Variants in FMN1 observed in about 807,000 individuals in gnomAD.
The protein encoded by FMN1 is formin 1, also known as formin-1.
In FMN1, 110 loss-of-function variants were observed where a neutral mutation model predicts 132.4. That is an observed-to-expected ratio of 0.83 (90% CI 0.71 to 0.97). The LOEUF (loss-of-function observed/expected upper bound fraction) is 0.97, where lower values mean the gene tolerates loss of function less well. FMN1 is among the 50% of genes least tolerant of loss of function. The pLI is 0.00. For missense variants in FMN1, 1,792 were observed against 1,705.3 expected (o/e 1.05, Z -0.90); for synonymous variants, 722 against 651.7 (o/e 1.11, Z -1.64).
intron 6 of FMN1, among the ~76,000 whole-genome samples, chr15:33,048,348 G>A (rs1449739493): frequency 6.6e-6 from 1 of 151,964 alleles, no homozygotes; most frequent in Non-Finnish European, 1.5e-5. Flanking sequence ...AAAGAATCTT[G>A]TATGGTAAAA....
chr15:33,014,865 C>A (rs982894057), intron 6 of FMN1, among the ~76,000 whole-genome samples: 5 of 152,206 alleles, frequency 3.3e-5, no homozygotes, highest in African/African-American at 1.2e-4. Context: ...GCAGTAACCA[C>A]TGCTGAAGTC....
chr15:32,810,816 C>A (rs982508309), intron 17 of FMN1: 1 of 345,768 alleles, frequency 2.9e-6, no homozygotes, highest in African/African-American at 2.1e-5. Flanking sequence ...TCCTAGTATT[C>A]TTTACACAGT....
chr15:33,052,453 A>T (rs1265392960), intron 6 of FMN1, among the ~76,000 whole-genome samples: 2 of 152,210 alleles, frequency 1.3e-5, no homozygotes, highest in African/African-American at 4.8e-5. Flanking sequence ...ACAAAAAGGA[A>T]AACAGTTACT....
At chr15:33,103,840 G>A (rs1319452221) in intron 4 of FMN1, among the ~76,000 whole-genome samples, 6 of 152,050 alleles carry the variant, frequency 3.9e-5, no homozygotes, top group Non-Finnish European at 7.4e-5. Flanking sequence ...TTAGGAACCT[G>A]TTTTTAGCAT....
At chr15:32,952,936 G>T (rs767430284) in intron 9 of FMN1, among the ~76,000 whole-genome samples, 1 of 152,142 alleles carries the variant, frequency 6.6e-6, no homozygotes, top group Non-Finnish European at 1.5e-5. Flanking sequence ...TCTCACGTCC[G>T]TGTCAAATTA....
chr15:33,024,712 C>T (rs531397070), intron 6 of FMN1, among the ~76,000 whole-genome samples: 50 of 152,152 alleles, frequency 3.3e-4, no homozygotes, highest in Non-Finnish European at 6.8e-4. Flanking sequence ...AGAAATTCTA[C>T]TCTAATGTTC....
intron 6 of FMN1, among the ~76,000 whole-genome samples, chr15:33,011,943 T>G (rs2034751849): frequency 6.6e-6 from 1 of 151,970 alleles, no homozygotes; most frequent in African/African-American, 2.4e-5. Flanking sequence ...ACAGCAGGAG[T>G]GCAAACTGGT....
At chr15:33,005,054 G>A (rs916830058) in intron 7 of FMN1, among the ~76,000 whole-genome samples, 7 of 152,078 alleles carry the variant, frequency 4.6e-5, no homozygotes, top group Non-Finnish European at 8.8e-5. Flanking sequence ...TGGGGGTAGC[G>A]GGGAGGGATA....
intron 17 of FMN1, among the ~76,000 whole-genome samples, chr15:32,843,802 G>A (rs968903469): frequency 2.6e-5 from 4 of 152,206 alleles, no homozygotes; most frequent in African/African-American, 9.6e-5. Flanking sequence ...GAGTAAGGAT[G>A]AGCTATCAGG....
chr15:33,067,157 A>G lies in FMN1; in HGVS notation c.2044-2083T>C, dbSNP rs926605064. 14 of 1,613,850 alleles carry G rather than the reference A, an allele frequency of 8.7e-6. No individual in the cohort carries two copies. The highest frequency in any genetic ancestry group is 1.6e-4 in the Middle Eastern group (1 of 6,084). On this transcript the variant is annotated intron_variant, in intron 5 of 20. Transcript: ENST00000616417. ...CGAATTCTGGTTTGTTACTGCAGGTAGGTCTTGGGACCCTTCTTCTCCCAC... is the reference window on the plus strand; with the variant it reads ...CGAATTCTGGTTTGTTACTGCAGGTGGGTCTTGGGACCCTTCTTCTCCCAC...
Position 32,771,438 on chromosome 15 carries a change from A to G in FMN1, c.*2872T>C, listed in dbSNP as rs146054322. ...TGTAATTTATGATGTACTTTGTGTA[A>G]TTTATGTAACTTATGATATTGTGTG... On this transcript the variant is annotated 3_prime_UTR_variant, in exon 21 of 21. Coordinates refer to ENST00000616417, the MANE Select transcript of FMN1 (RefSeq NM_001277313.2). 2.6e-4 allele frequency: 40 copies of G among 152,248 alleles called. No individual in the cohort carries two copies. Among genetic ancestry groups the G allele is most frequent in the African/African-American group, 8.4e-4 (35 of 41,536 alleles). 9.4% of individuals were successfully genotyped at this position (152,248 alleles called of 1,614,324 possible).
At chr15:33,103,607 T>G (rs778408297) in intron 4 of FMN1, among the ~76,000 whole-genome samples, 8 of 152,086 alleles carry the variant, frequency 5.3e-5, no homozygotes, top group Non-Finnish European at 8.8e-5. Context: ...TGTGAAATAT[T>G]TGAAATGTTG....
rs1402873261 is a variant in FMN1, at chr15:32,969,218, A to G, written c.2483T>C (p.Leu828Ser). The change falls in exon 8 of 21, where the codon TTA (leucine) becomes TCA (serine). Residue 828 changes from leucine to serine, a missense_variant. Leu to Ser is a moderately radical substitution (Grantham distance 145, BLOSUM62 -2). Transcript: ENST00000616417. ...SESKTTRSNQ[L>S]VPKKLNISSL... is the part of the protein sequence containing the mutation. ...GGAGATATTCAGCTTTTTGGGTACT[A>G]ATTGATTACTTCTGGTTGTCTTGCT... 6.2e-7 allele frequency: 1 copy of G among 1,613,708 alleles called. No homozygotes were observed. The highest frequency in any genetic ancestry group is 1.1e-5 in the South Asian group (1 of 91,054).
At chr15:33,063,545 A>C (rs1382017160) in intron 6 of FMN1, 4 of 152,132 alleles carry the variant, frequency 2.6e-5, no homozygotes, top group Non-Finnish European at 5.9e-5. Context: ...GTCTCTAATA[A>C]ACTCTCCTCA....
At chr15:32,828,692 C>T (rs965142071) in intron 17 of FMN1, among the ~76,000 whole-genome samples, 2 of 152,196 alleles carry the variant, frequency 1.3e-5, no homozygotes, top group Non-Finnish European at 1.5e-5. Flanking sequence ...ATTGTCACGA[C>T]TCAGACAGAA....
At chr15:33,150,502 G>C (rs1964399960) in intron 4 of FMN1, 1 of 985,334 alleles carries the variant, frequency 1.0e-6, no homozygotes, top group Non-Finnish European at 1.2e-6. Context: ...GAAATGAGAA[G>C]TTAAGAAATT....
At chr15:33,029,010 C>T (rs560860770) in intron 6 of FMN1, among the ~76,000 whole-genome samples, 3 of 152,136 alleles carry the variant, frequency 2.0e-5, no homozygotes, top group Admixed American at 2.0e-4. Context: ...GAATGTTTCA[C>T]CTAAGAAATG....
At chr15:33,068,936 G>A (rs748695844) in intron 5 of FMN1, among the ~76,000 whole-genome samples, 1 of 152,190 alleles carries the variant, frequency 6.6e-6, no homozygotes, top group African/African-American at 2.4e-5. Flanking sequence ...GGCTGCCTTA[G>A]AAATCCTGGC....
chr15:32,999,243 T>C (rs780098738), intron 7 of FMN1, among the ~76,000 whole-genome samples: 5 of 152,210 alleles, frequency 3.3e-5, no homozygotes, highest in East Asian at 3.8e-4. Context: ...TATCTGGGAA[T>C]TAAGAGATTT....
Sources: allele counts gnomAD v4.1 joint callset (sites outside exome capture counted in the v4.1 genomes callset), GRCh38; gene constraint gnomAD v4.1.1; transcripts MANE v1.5; gene names NCBI Gene and HGNC (gene_info 2026-07-23, HGNC 2026-07-21).